The following SH3PXD2A variants were observed in gnomAD, a reference collection of about 807,000 sequenced individuals.
SH3PXD2A encodes SH3 and PX domain-containing protein 2A.
SH3PXD2A carries 32 observed loss-of-function variants against 115.2 expected under a neutral mutation model. The observed-to-expected ratio is 0.28, with a 90% CI of 0.21 to 0.37. The LOEUF is 0.37. Among genes scored for constraint, SH3PXD2A ranks in the 10% least tolerant of loss-of-function variants. SH3PXD2A has a pLI of 1.00. For synonymous variants in SH3PXD2A, 610 were observed against 629.1 expected (o/e 0.97, Z 0.45); for missense variants, 1,328 against 1,498.7 (o/e 0.89, Z 1.88).
chr10:103,653,445 T>G (rs979295734), intron 8 of SH3PXD2A, among the ~76,000 whole-genome samples: 1 of 152,160 alleles, frequency 6.6e-6, no homozygotes, highest in Non-Finnish European at 1.5e-5. Flanking sequence ...GGCACTTCTG[T>G]GGGATTTCCA....
In SH3PXD2A at chr10:103,784,225, G is replaced by A. The variant is rs2073339; in HGVS notation, c.154-17056C>T. Among the ~76,000 whole-genome samples the A allele has an allele frequency of 0.054, 8,290 of 152,230 alleles. 649 individuals carry two copies. Among genetic ancestry groups the A allele is most frequent in the East Asian group, 0.29 (1,508 of 5,154 alleles). ...GCAGGCCTGCCCTTTTCCAGGTCCC[G>A]CCCTCCCTGGACTTCAGACCCCAAG... On this transcript the variant is annotated intron_variant, in intron 2 of 14. Coordinates refer to ENST00000369774, the MANE Select transcript of SH3PXD2A (RefSeq NM_001394015.1). The surrounding 1 kb of genome is among the most constrained non-coding windows in gnomAD (Gnocchi z 4.4).
intron 1 of SH3PXD2A, among the ~76,000 whole-genome samples, chr10:103,846,687 G>A (rs116788091): frequency 0.011 from 1,741 of 152,346 alleles, 39 homozygotes; most frequent in African/African-American, 0.039. Context: ...TTTCTAGATG[G>A]GCAAATGTAG....
At chr10:103,667,308 C>T (rs1403654973) in intron 7 of SH3PXD2A, among the ~76,000 whole-genome samples, 3 of 152,198 alleles carry the variant, frequency 2.0e-5, no homozygotes, top group African/African-American at 7.2e-5. Flanking sequence ...CCACCCCAGG[C>T]TCCCCACGAC....
intron 1 of SH3PXD2A, among the ~76,000 whole-genome samples, chr10:103,837,866 C>T (rs1043373082): frequency 2.0e-5 from 3 of 152,178 alleles, no homozygotes; most frequent in Non-Finnish European, 4.4e-5. Context: ...CAGGGCTGCT[C>T]TCGAGAGGAG....
rs1045559878 is a variant in SH3PXD2A, at chr10:103,622,496, C to G, written c.776G>C (p.Gly259Ala). The G allele has an allele frequency of 6.5e-6, 10 of 1,550,214 alleles. No homozygotes were observed. Among genetic ancestry groups the G allele is most frequent in the Admixed American group, 5.9e-5 (3 of 51,000 alleles). The change falls in exon 10 of 15, where the codon GGG (glycine) becomes GCG (alanine). Residue 259 changes from glycine (G) to alanine (A), a missense_variant. Coordinates refer to ENST00000369774, the MANE Select transcript of SH3PXD2A (RefSeq NM_001394015.1). ...TCGGCTGTGCTGCCTGTTGACCATC[C>G]CGCCCAGGGTCCACCGGCGATCCAG... ...RRLDRRWTLG[G>A]MVNRQHSREE...
chr10:103,604,924 AATGTC>A (rs1025725475), intron 14 of SH3PXD2A, among the ~76,000 whole-genome samples: 1 of 152,240 alleles, frequency 6.6e-6, no homozygotes, highest in Non-Finnish European at 1.5e-5. Context: ...TCACATTGGG[AATGTC>A]ACTGCTTTAG....
At chr10:103,777,710 C>T (rs2038893752) in intron 2 of SH3PXD2A, among the ~76,000 whole-genome samples, 1 of 152,214 alleles carries the variant, frequency 6.6e-6, no homozygotes, top group South Asian at 2.1e-4. Context: ...ATTCCACAGA[C>T]CCCCACCTGC....
At chr10:103,642,625 G>C (rs1231274191) in intron 8 of SH3PXD2A, among the ~76,000 whole-genome samples, 1 of 152,118 alleles carries the variant, frequency 6.6e-6, no homozygotes, top group Non-Finnish European at 1.5e-5. Flanking sequence ...ATATGAAACA[G>C]CATGTATTTA....
At chr10:103,788,313 G>C (rs1462913201) in intron 2 of SH3PXD2A, among the ~76,000 whole-genome samples, 1 of 152,100 alleles carries the variant, frequency 6.6e-6, no homozygotes, top group African/African-American at 2.4e-5. Flanking sequence ...GCTGGTAAAG[G>C]GGCAGGCCAA....
intron 1 of SH3PXD2A, among the ~76,000 whole-genome samples, chr10:103,801,828 C>T (rs545026882): frequency 2.6e-5 from 4 of 152,216 alleles, no homozygotes; most frequent in South Asian, 2.1e-4. Context: ...CTCAGCCTCC[C>T]GAGTAGCTGG....
intron 13 of SH3PXD2A, among the ~76,000 whole-genome samples, chr10:103,606,134 G>A (rs776648712): frequency 2.0e-5 from 3 of 151,800 alleles, no homozygotes; most frequent in South Asian, 2.1e-4. Context: ...CAGGACTCAC[G>A]GAAGACTTGT....
chr10:103,754,932 T>A (rs935177234), intron 3 of SH3PXD2A: 1 of 152,210 alleles, frequency 6.6e-6, no homozygotes, highest in African/African-American at 2.4e-5. Flanking sequence ...GTAGACCTCC[T>A]GTAGAAGGGC....
chr10:103,661,006 T>C lies in SH3PXD2A; in HGVS notation c.581A>G (p.Asp194Gly). The C allele has an allele frequency of 6.2e-7, 1 of 1,614,052 alleles. No homozygotes were observed. The highest frequency in any genetic ancestry group is 1.6e-4 in the Middle Eastern group (1 of 6,062). ...ELSLQAGEVV[D>G]VIEKNESGWW... ...ACCGCTCTCGTTCTTCTCGATGACA[T>C]CCACCACCTCCCCGGCCTGGAGGCT... Residue 194 changes from aspartate to glycine, a missense_variant, in exon 8 of 15, where the codon GAT (aspartate) becomes GGT (glycine). By Grantham distance (94) the Asp-to-Gly change is moderately conservative. Transcript: ENST00000369774.
At chr10:103,615,844 T>C (rs3781362) in intron 11 of SH3PXD2A, among the ~76,000 whole-genome samples, 26,272 of 151,988 alleles carry the variant, frequency 0.17, 2,575 homozygotes, top group Non-Finnish European at 0.22. Context: ...GGCTTTCCCA[T>C]GTTCAACTCA....
At chr10:103,617,505 G>A (rs2036537331) in intron 10 of SH3PXD2A, among the ~76,000 whole-genome samples, 191 bp from the exon 11 acceptor site, 1 of 152,246 alleles carries the variant, frequency 6.6e-6, no homozygotes, top group African/African-American at 2.4e-5. Context: ...CATGGGAGCA[G>A]AGGTCACTGC....
chr10:103,608,311 G>A (rs1030238757), intron 13 of SH3PXD2A, among the ~76,000 whole-genome samples: 4 of 150,008 alleles, frequency 2.7e-5, no homozygotes, highest in South Asian at 2.1e-4. Flanking sequence ...AGGCCCTGTC[G>A]GCACCCTGAT....
rs577209053 is a variant in SH3PXD2A at position 103,617,216 on chromosome 10, C to T, written c.901G>A (p.Glu301Lys). 3.7e-6 allele frequency: 6 copies of T among 1,613,512 alleles called. No individual in the cohort carries two copies. Among genetic ancestry groups the T allele is most frequent in the Non-Finnish European group, 5.1e-6 (6 of 1,179,390 alleles). ...VTVEVIRKNL[E>K]GWWYIRYLGK... ...CCCTACCTGATATACCACCAGCCTT[C>T]CAGATTCTTCCGGATCACCTCCACT... is the stretch of plus-strand genomic sequence containing the variant. The change falls in exon 11 of 15, where the codon GAA becomes AAA. Residue 301 changes from glutamate to lysine, a missense_variant. Transcript: ENST00000369774.
chr10:103,744,477 C>T (rs2038478954), intron 3 of SH3PXD2A, among the ~76,000 whole-genome samples: 1 of 152,038 alleles, frequency 6.6e-6, no homozygotes, highest in Admixed American at 6.6e-5. Flanking sequence ...TAAGTGCTGC[C>T]CCTGAAACTC....
intron 1 of SH3PXD2A, among the ~76,000 whole-genome samples, chr10:103,844,539 T>C (rs1295883885): frequency 6.6e-6 from 1 of 152,174 alleles, no homozygotes; most frequent in African/African-American, 2.4e-5. Context: ...AACACTTAGA[T>C]GGGCAAAAGC....
Sources: allele counts gnomAD v4.1 joint callset (sites outside exome capture counted in the v4.1 genomes callset), GRCh38; gene constraint gnomAD v4.1.1; non-coding constraint Gnocchi (gnomAD v3.1); transcripts MANE v1.5; gene names NCBI Gene and HGNC (gene_info 2026-07-23, HGNC 2026-07-21).